TMEM178B: variants seen among roughly 807,000 people sequenced by gnomAD.
TMEM178B encodes the protein transmembrane protein 178B.
A neutral mutation model predicts 31.0 loss-of-function variants in TMEM178B; 5 were observed. The observed-to-expected ratio is 0.16, with a 90% CI of 0.08 to 0.34. The LOEUF (loss-of-function observed/expected upper bound fraction) is 0.34, where lower values mean the gene tolerates loss of function less well. Among genes scored for constraint, TMEM178B ranks in the 10% least tolerant of loss-of-function variants. The pLI is 1.00. For synonymous variants in TMEM178B, 164 were observed against 164.0 expected (o/e 1.00, Z 0.00); for missense variants, 275 against 400.3 (o/e 0.69, Z 2.67).
chr7:141,245,627 T>C lies in TMEM178B; in HGVS notation c.496+32923T>C, dbSNP rs575857333. Among the ~76,000 whole-genome samples, 3 of 152,352 alleles carry C rather than the reference T, an allele frequency of 2.0e-5. No individual in the cohort carries two copies. In the East Asian group the frequency reaches 5.8e-4, roughly 29 times the overall value. ...CAAACTCTCTCATTTCTGCAAATAG[T>C]GCTCATACGCTTTCACTTGTCCTTA... On this transcript the variant is annotated intron_variant, in intron 2 of 3. Coordinates refer to ENST00000565468, the MANE Select transcript of TMEM178B (RefSeq NM_001195278.2).
At chr7:141,285,056 TAAAA>T (rs144032381) in intron 2 of TMEM178B, among the ~76,000 whole-genome samples, 1 of 136,328 alleles carries the variant, frequency 7.3e-6, no homozygotes. Context: ...GAAAGCTCTT[TAAAA>T]AAAAAAAAAA....
At chr7:141,349,787 A>G (rs145867338) in intron 2 of TMEM178B, among the ~76,000 whole-genome samples, 2 of 152,332 alleles carry the variant, frequency 1.3e-5, no homozygotes, top group Non-Finnish European at 2.9e-5. Flanking sequence ...TAGGGTGGGC[A>G]TGTGCTGGAT....
rs146916979 is a variant in TMEM178B, at chr7:141,193,999, C to T, written c.383-18592C>T. Among the ~76,000 whole-genome samples the T allele has an allele frequency of 1.9e-3, 289 of 152,288 alleles. 2 individuals carry two copies. Among genetic ancestry groups the T allele is most frequent in the African/African-American group, 6.2e-3 (259 of 41,544 alleles). On this transcript the variant is annotated intron_variant, in intron 1 of 3. Coordinates refer to ENST00000565468, the MANE Select transcript of TMEM178B (RefSeq NM_001195278.2). ...ACCCCCTGATAAACCCATCAGATCTCGTGAGACATATTCACTATCACAAGA... is the reference window on the plus strand; with the variant it reads ...ACCCCCTGATAAACCCATCAGATCTTGTGAGACATATTCACTATCACAAGA...
chr7:141,358,919 C>A (rs888198818), intron 2 of TMEM178B, among the ~76,000 whole-genome samples: 5 of 152,196 alleles, frequency 3.3e-5, no homozygotes, highest in Non-Finnish European at 7.3e-5. Context: ...GCTACTCAGT[C>A]CTTCACACAC....
chr7:141,399,438 G>A (rs1246502980), intron 2 of TMEM178B, among the ~76,000 whole-genome samples: 1 of 152,220 alleles, frequency 6.6e-6, no homozygotes, highest in Non-Finnish European at 1.5e-5. Context: ...ATCATGACAA[G>A]ACCTCAGGTC....
chr7:141,371,204 C>T (rs1461952284), intron 2 of TMEM178B, among the ~76,000 whole-genome samples: 1 of 152,132 alleles, frequency 6.6e-6, no homozygotes, highest in Admixed American at 6.5e-5. Flanking sequence ...GAGGTGCTCG[C>T]ATTATGGGCT....
chr7:141,113,937 A>G (rs773482195), intron 1 of TMEM178B, among the ~76,000 whole-genome samples: 33 of 152,348 alleles, frequency 2.2e-4, no homozygotes, highest in Admixed American at 3.3e-4. Flanking sequence ...CAGAAATGCT[A>G]TATAGAAATC....
intron 2 of TMEM178B, among the ~76,000 whole-genome samples, chr7:141,362,452 C>T (rs1467919263): frequency 6.6e-6 from 1 of 152,086 alleles, no homozygotes; most frequent in Non-Finnish European, 1.5e-5. Context: ...GCCTATAAAA[C>T]CGCTGCTTTC....
chr7:141,160,089 A>G lies in TMEM178B; in HGVS notation c.383-52502A>G, dbSNP rs188092418. 3.2e-4 allele frequency among the ~76,000 whole-genome samples: 48 copies of G among 150,136 alleles called. No individual in the cohort carries two copies. The East Asian group carries it at 7.4e-3, about 23-fold the overall frequency. ...ATATAATTTCAATTGTTTTTGGGGA[A>G]GAGGTGGTGTTTGGTTACGCGGATG... On this transcript the variant is annotated intron_variant, in intron 1 of 3. Coordinates refer to ENST00000565468, the MANE Select transcript of TMEM178B (RefSeq NM_001195278.2).
intron 1 of TMEM178B, among the ~76,000 whole-genome samples, chr7:141,194,956 A>G (rs1253780505): frequency 3.9e-5 from 6 of 152,078 alleles, no homozygotes; most frequent in African/African-American, 1.4e-4. Flanking sequence ...GCCACACCCA[A>G]CCTGTACATC....
chr7:141,237,953 A>T (rs777801640), intron 2 of TMEM178B, among the ~76,000 whole-genome samples: 7 of 147,328 alleles, frequency 4.8e-5, no homozygotes, highest in Admixed American at 2.8e-4. Context: ...AACCTGGGGG[A>T]GCTGAGGTTG....
At chr7:141,118,721 T>G (rs1795363542) in intron 1 of TMEM178B, among the ~76,000 whole-genome samples, 1 of 152,180 alleles carries the variant, frequency 6.6e-6, no homozygotes, top group South Asian at 2.1e-4. Context: ...CTCTCATTAT[T>G]TCAGATCTGG....
chr7:141,455,687 T>A (rs1801950096), intron 3 of TMEM178B, among the ~76,000 whole-genome samples: 2 of 152,266 alleles, frequency 1.3e-5, no homozygotes, highest in Admixed American at 1.3e-4. Flanking sequence ...CTTGGAACAA[T>A]GTCTATCATA....
intron 3 of TMEM178B, among the ~76,000 whole-genome samples, chr7:141,452,261 A>G (rs114448653): frequency 0.011 from 1,688 of 152,254 alleles, 27 homozygotes; most frequent in African/African-American, 0.039. Flanking sequence ...CTGGAACCTC[A>G]AACATACTTT....
At chr7:141,444,889 T>C (rs1358663078) in intron 3 of TMEM178B, among the ~76,000 whole-genome samples, 2 of 151,954 alleles carry the variant, frequency 1.3e-5, no homozygotes, top group African/African-American at 4.8e-5. Context: ...ACAACTCTGG[T>C]TCTGGGCTTC....
intron 2 of TMEM178B, among the ~76,000 whole-genome samples, chr7:141,369,993 G>A (rs1361052671): frequency 1.3e-5 from 2 of 152,166 alleles, no homozygotes; most frequent in African/African-American, 4.8e-5. Flanking sequence ...GGCCAACCTA[G>A]TCCTTAGTCC....
At chr7:141,492,305 C>G in the TMEM178B span, among the ~76,000 whole-genome samples, 1 of 152,296 alleles carries the variant, frequency 6.6e-6, no homozygotes, top group Non-Finnish European at 1.5e-5. Flanking sequence ...CCCTGATCCC[C>G]CAAACAAAAG....
the TMEM178B span, among the ~76,000 whole-genome samples, chr7:141,508,909 G>T: frequency 6.6e-6 from 1 of 152,186 alleles, no homozygotes; most frequent in African/African-American, 2.4e-5. Context: ...TAAGCATATG[G>T]ATGACTCCTT....
chr7:141,510,554 G>A, the TMEM178B span, among the ~76,000 whole-genome samples: 2 of 151,242 alleles, frequency 1.3e-5, no homozygotes, highest in African/African-American at 4.9e-5. Context: ...GTGTGGTGGT[G>A]CATGCCTGTA....
Sources: gnomAD v4.1 joint callset for allele counts (sites outside exome capture counted in the v4.1 genomes callset) on GRCh38, gnomAD v4.1.1 for gene constraint, MANE v1.5 for transcripts, NCBI Gene and HGNC (gene_info 2026-07-23, HGNC 2026-07-21) for gene names.